The following CTNNA2 variants were observed in gnomAD, a reference collection of about 807,000 sequenced individuals.
CTNNA2 encodes catenin alpha 2, also known as catenin alpha-2.
In CTNNA2, 42 loss-of-function variants were observed where a neutral mutation model predicts 101.0. That is an observed-to-expected ratio of 0.42 (90% CI 0.32 to 0.54). CTNNA2 has a LOEUF of 0.54. Ranked by LOEUF, CTNNA2 falls within the 20% of genes least tolerant of loss-of-function variation. The pLI, the probability that CTNNA2 is intolerant of heterozygous loss-of-function variation, is 0.14. For missense variants in CTNNA2, 871 were observed against 1,223.1 expected (o/e 0.71, Z 4.29); for synonymous variants, 450 against 456.4 (o/e 0.99, Z 0.18).
intron 7 of CTNNA2, among the ~76,000 whole-genome samples, chr2:80,340,309 T>C (rs1192665487): frequency 5.9e-5 from 9 of 152,212 alleles, no homozygotes; most frequent in Admixed American, 5.9e-4. Flanking sequence ...CTGAACCCTG[T>C]AGAGAAGGAT....
chr2:79,680,422 T>C (rs1683482917), intron 2 of CTNNA2, among the ~76,000 whole-genome samples: 1 of 152,170 alleles, frequency 6.6e-6, no homozygotes, highest in African/African-American at 2.4e-5. Context: ...CCTGCATTTC[T>C]TATCTCTTTT....
At chr2:79,396,977 G>A (rs961694069) in intron 4 of CTNNA2, among the ~76,000 whole-genome samples, 1 of 152,212 alleles carries the variant, frequency 6.6e-6, no homozygotes, top group Non-Finnish European at 1.5e-5. Flanking sequence ...GTCAAAAAAT[G>A]GATTTCTGGG....
At chr2:79,441,256 G>A (rs1047353769) in intron 4 of CTNNA2, among the ~76,000 whole-genome samples, 2 of 152,144 alleles carry the variant, frequency 1.3e-5, no homozygotes, top group African/African-American at 4.8e-5. Flanking sequence ...TATAACTTAT[G>A]TACCACCTCT....
At position 80,016,376 on chromosome 2, in the gene CTNNA2, G is replaced by A. The variant is rs368367558; in HGVS notation, c.1056+106579G>A. ...GTGCCAGGCTGCTCAGAAGGAAGGA[G>A]GGGTGAGTTGTGGGCTTCTTGGCTA... On this transcript the variant is annotated intron_variant, in intron 7 of 18. Transcript: ENST00000402739. Among the ~76,000 whole-genome samples the A allele has an allele frequency of 6.6e-5, 10 of 152,270 alleles. No homozygotes were observed. In the East Asian group the frequency reaches 1.2e-3, roughly 18 times the overall value.
intron 9 of CTNNA2, among the ~76,000 whole-genome samples, chr2:80,432,045 T>A (rs1166159249): frequency 6.6e-6 from 1 of 152,194 alleles, no homozygotes; most frequent in Non-Finnish European, 1.5e-5. Flanking sequence ...TAACACAGTA[T>A]AACCAAAATA....
At chr2:80,082,510 T>A (rs1699213031) in intron 7 of CTNNA2, among the ~76,000 whole-genome samples, 1 of 152,172 alleles carries the variant, frequency 6.6e-6, no homozygotes, top group African/African-American at 2.4e-5. Context: ...AGTCCAGTGC[T>A]TTTTACTTAC....
chr2:80,545,086 T>G lies in CTNNA2; in HGVS notation c.1383+12T>G. The stretch of plus-strand genomic sequence containing the variant: ...GCCTGTGTCCCCAGGTAAGCCTCAT[T>G]CACTTTGTTTCAAAAGCCTGTCAGT... On this transcript the variant is annotated intron_variant, in intron 10 of 18. Coordinates refer to ENST00000402739, the MANE Select transcript of CTNNA2 (RefSeq NM_001282597.3). 1 of 1,612,920 alleles carries G rather than the reference T, an allele frequency of 6.2e-7. No individual in the cohort carries two copies. Among genetic ancestry groups the G allele is most frequent in the South Asian group, 1.1e-5 (1 of 90,914 alleles).
At chr2:79,258,845 C>CAAAAAAAA (rs869066159) in intron 2 of CTNNA2, among the ~76,000 whole-genome samples, 3 of 91,376 alleles carry the variant, frequency 3.3e-5, no homozygotes, top group African/African-American at 9.3e-5. Flanking sequence ...AATCCTCTAC[C>CAAAAAAAA]AAAAAAAAAA....
At chr2:79,746,542 G>A (rs548331045) in intron 3 of CTNNA2, among the ~76,000 whole-genome samples, 210 of 152,262 alleles carry the variant, frequency 1.4e-3, no homozygotes, top group Non-Finnish European at 2.4e-3. Flanking sequence ...GTTGCACGTT[G>A]CATAAATCTT....
intron 7 of CTNNA2, among the ~76,000 whole-genome samples, chr2:80,182,595 T>C (rs1344925918): frequency 2.0e-5 from 3 of 152,028 alleles, no homozygotes; most frequent in East Asian, 3.9e-4. Flanking sequence ...ATGAGAAAAA[T>C]TGCAGATCAC....
chr2:80,425,543 CTGTT>C (rs1302705183), intron 9 of CTNNA2, among the ~76,000 whole-genome samples: 3 of 151,938 alleles, frequency 2.0e-5, no homozygotes, highest in Non-Finnish European at 4.4e-5. Context: ...CCTTTGATCT[CTGTT>C]TGAAAACCTC....
At position 79,869,873 on chromosome 2, in the gene CTNNA2, C is replaced by T. The variant is rs780983310; in HGVS notation, c.523C>T (p.Arg175Cys). Residue 175 changes from arginine (R) to cysteine (C), a missense_variant, in exon 5 of 19, where the codon CGT becomes TGT. Coordinates refer to ENST00000402739, the MANE Select transcript of CTNNA2 (RefSeq NM_001282597.3). ...TACAAATGAGCAAGACCTTGCAAAC[C>T]GTTTTAAAGAGTTTGGGAAAGAGAT... is the stretch of plus-strand genomic sequence containing the variant. ...NATNEQDLANRFKEFGKEMVK... is the reference protein window; with the variant it reads ...NATNEQDLANCFKEFGKEMVK... 7.4e-6 allele frequency: 12 copies of T among 1,613,944 alleles called. No homozygotes were observed. Among genetic ancestry groups the T allele is most frequent in the Middle Eastern group, 1.6e-4 (1 of 6,084 alleles).
chr2:79,884,532 C>T (rs1683692528), intron 6 of CTNNA2, among the ~76,000 whole-genome samples: 1 of 152,016 alleles, frequency 6.6e-6, no homozygotes, highest in African/African-American at 2.4e-5. Flanking sequence ...TTATACTGAC[C>T]ATGCCTCCTC....
chr2:80,434,515 G>C (rs1000458910), intron 9 of CTNNA2, among the ~76,000 whole-genome samples: 1 of 125,538 alleles, frequency 8.0e-6, no homozygotes, highest in Non-Finnish European at 1.6e-5. Flanking sequence ...TTTTGAGCCA[G>C]GGTTTCACCC....
At chr2:79,273,445 A>C (rs1675134829) in intron 2 of CTNNA2, among the ~76,000 whole-genome samples, 1 of 152,088 alleles carries the variant, frequency 6.6e-6, no homozygotes, top group African/African-American at 2.4e-5. Flanking sequence ...TAGTATATTG[A>C]CTTTGGAAAC....
chr2:80,338,646 C>A (rs1671969749), intron 7 of CTNNA2, among the ~76,000 whole-genome samples: 1 of 152,194 alleles, frequency 6.6e-6, no homozygotes, highest in African/African-American at 2.4e-5. Flanking sequence ...GCTGCCTCCA[C>A]CACTGACTGG....
At chr2:80,557,435 C>G (rs1020618922) in intron 12 of CTNNA2, among the ~76,000 whole-genome samples, 2 of 152,142 alleles carry the variant, frequency 1.3e-5, no homozygotes, top group Non-Finnish European at 2.9e-5. Flanking sequence ...GCTTACAGTT[C>G]CCAGCCCATC....
upstream of CTNNA2, among the ~76,000 whole-genome samples, chr2:79,510,520 G>A (rs952274871): frequency 2.0e-5 from 3 of 152,222 alleles, no homozygotes; most frequent in Non-Finnish European, 4.4e-5. Context: ...GGTAGACAGG[G>A]TTGAGGGTTC....
intron 1 of CTNNA2, among the ~76,000 whole-genome samples, chr2:79,556,280 G>T (rs1487357773): frequency 2.0e-5 from 3 of 152,030 alleles, no homozygotes; most frequent in African/African-American, 7.2e-5. Context: ...ACTGGGAAGG[G>T]TTAGGAGTGA....
Sources: allele counts gnomAD v4.1 joint callset (sites outside exome capture counted in the v4.1 genomes callset), GRCh38; gene constraint gnomAD v4.1.1; transcripts MANE v1.5; gene names NCBI Gene and HGNC (gene_info 2026-07-23, HGNC 2026-07-21).